SMYD3: variants seen among roughly 807,000 people sequenced by gnomAD.
SMYD3 encodes SET and MYND domain containing 3.
SMYD3 carries 36 observed loss-of-function variants against 57.7 expected under a neutral mutation model. The ratio of observed to expected loss-of-function variants is 0.62; its 90% CI spans 0.48 to 0.82. The LOEUF is 0.82. Ranked by LOEUF, SMYD3 falls within the 40% of genes least tolerant of loss-of-function variation. The pLI, the probability that SMYD3 is intolerant of heterozygous loss-of-function variation, is 0.00. For missense variants in SMYD3, 515 were observed against 538.8 expected (o/e 0.96, Z 0.44); for synonymous variants, 211 against 195.0 (o/e 1.08, Z -0.68).
intron 5 of SMYD3, among the ~76,000 whole-genome samples, chr1:246,182,131 CTGT>C (rs558026283): frequency 8.8e-4 from 134 of 152,326 alleles, no homozygotes; most frequent in African/African-American, 3.0e-3. Context: ...AACCTCACCA[CTGT>C]TGTTCTCATC....
intron 8 of SMYD3, among the ~76,000 whole-genome samples, chr1:245,869,998 T>C (rs920040034): frequency 6.6e-6 from 1 of 152,174 alleles, no homozygotes; most frequent in Non-Finnish European, 1.5e-5. Flanking sequence ...GTTTCCTGGA[T>C]TGCCTCCCCA....
chr1:246,139,005 T>G (rs1269399344), intron 5 of SMYD3, among the ~76,000 whole-genome samples: 2 of 152,132 alleles, frequency 1.3e-5, no homozygotes, highest in African/African-American at 4.8e-5. Flanking sequence ...GAAGGGGTTT[T>G]TATCTTCTTC....
At chr1:245,919,948 A>G (rs1441502310) in intron 7 of SMYD3, among the ~76,000 whole-genome samples, 1 of 152,246 alleles carries the variant, frequency 6.6e-6, no homozygotes, top group Non-Finnish European at 1.5e-5. Flanking sequence ...AGCTTACATT[A>G]AAATCTCAAG....
chr1:246,453,183 G>A (rs1021145725), intron 1 of SMYD3, among the ~76,000 whole-genome samples: 3 of 152,124 alleles, frequency 2.0e-5, no homozygotes, highest in South Asian at 2.1e-4. Context: ...AGTAGCTTGC[G>A]CAAAGTCACA....
chr1:245,943,847 A>G (rs1303459672), intron 5 of SMYD3, among the ~76,000 whole-genome samples: 1 of 152,178 alleles, frequency 6.6e-6, no homozygotes, highest in African/African-American at 2.4e-5. Flanking sequence ...TCGGTAAATA[A>G]ATGTAATTCA....
intron 1 of SMYD3, among the ~76,000 whole-genome samples, chr1:246,459,271 C>T (rs2067756090): frequency 6.7e-6 from 1 of 148,170 alleles, no homozygotes; most frequent in Non-Finnish European, 1.5e-5. Context: ...TGATAGAGTC[C>T]TCAAGAGATC....
At chr1:246,124,696 A>G (rs894216398) in intron 5 of SMYD3, among the ~76,000 whole-genome samples, 1 of 152,224 alleles carries the variant, frequency 6.6e-6, no homozygotes, top group Non-Finnish European at 1.5e-5. Context: ...AAGCAGCATA[A>G]TTTAAGACAG....
At chr1:246,384,545 GC>G (rs917080891) in intron 1 of SMYD3, among the ~76,000 whole-genome samples, 1 of 151,866 alleles carries the variant, frequency 6.6e-6, no homozygotes, top group Non-Finnish European at 1.5e-5. Context: ...ACAGGTGCCC[GC>G]CACCACGCCC....
At chr1:245,976,447 CCGGCCCAGGGAAAGCCA>C in intron 5 of SMYD3, among the ~76,000 whole-genome samples, 1 of 31,242 alleles carries the variant, frequency 3.2e-5, no homozygotes, top group African/African-American at 9.1e-5. Flanking sequence ...GCCATCGTCT[CCGGCCCAGGGAAAGCCA>C]TCGTCTCCGG....
chr1:246,495,919 C>T (rs1211965915), intron 1 of SMYD3, among the ~76,000 whole-genome samples: 1 of 151,928 alleles, frequency 6.6e-6, no homozygotes, highest in Admixed American at 6.6e-5. Context: ...GAGCTCAGAT[C>T]ATGCCACTGT....
intron 5 of SMYD3, among the ~76,000 whole-genome samples, chr1:246,242,193 T>G (rs1430122098): frequency 5.3e-5 from 8 of 152,202 alleles, no homozygotes; most frequent in Non-Finnish European, 8.8e-5. Flanking sequence ...AGGGTGTCAA[T>G]TTTAGATCTT....
intron 1 of SMYD3, among the ~76,000 whole-genome samples, chr1:246,506,308 C>T (rs2068535477): frequency 6.6e-6 from 1 of 152,144 alleles, no homozygotes; most frequent in South Asian, 2.1e-4. Flanking sequence ...CGCGTCCAGG[C>T]TTCCAAAACA....
intron 3 of SMYD3, among the ~76,000 whole-genome samples, chr1:246,332,723 G>A (rs1053916860): frequency 1.3e-5 from 2 of 152,192 alleles, no homozygotes; most frequent in African/African-American, 4.8e-5. Context: ...CAGGACAATC[G>A]CTTGAGCCTA....
rs117243227 is a variant in SMYD3, at chr1:245,797,956, G to T, written c.1077-33807C>A. Among the ~76,000 whole-genome samples the T allele has an allele frequency of 5.1e-4, 78 of 152,154 alleles. No individual in the cohort carries two copies. The East Asian group carries it at 0.014, about 28-fold the overall frequency. ...AAGCTTTTCACAATATGGGTTTGAG[G>T]ATGCTCAGTACGTGAGAATTTTGGG... On this transcript the variant is annotated intron_variant, in intron 10 of 11. Transcript: ENST00000490107.
At chr1:246,006,556 T>C (rs1043583507) in intron 5 of SMYD3, among the ~76,000 whole-genome samples, 1 of 135,558 alleles carries the variant, frequency 7.4e-6, no homozygotes, top group Non-Finnish European at 1.7e-5. Context: ...CCCTGTATAA[T>C]TCTGACTTAT....
chr1:246,341,324 TA>T (rs1376077812), intron 2 of SMYD3, among the ~76,000 whole-genome samples: 1 of 152,214 alleles, frequency 6.6e-6, no homozygotes, highest in Non-Finnish European at 1.5e-5. Flanking sequence ...TTTTAAATGT[TA>T]AAAAATGCTT....
chr1:245,957,734 T>C (rs2057889137), intron 5 of SMYD3, among the ~76,000 whole-genome samples: 1 of 152,218 alleles, frequency 6.6e-6, no homozygotes, highest in Non-Finnish European at 1.5e-5. Context: ...CCTGACCTTT[T>C]GTCTACTTTC....
intron 1 of SMYD3, among the ~76,000 whole-genome samples, chr1:246,434,829 A>G (rs1392184100): frequency 6.6e-6 from 1 of 152,222 alleles, no homozygotes; most frequent in African/African-American, 2.4e-5. Context: ...TTGTTCTACC[A>G]AAGAGACACA....
intron 10 of SMYD3, among the ~76,000 whole-genome samples, chr1:245,842,017 T>C (rs1263714414): frequency 6.6e-6 from 1 of 152,234 alleles, no homozygotes. Context: ...GTGTTACAAC[T>C]GGCTACAGCA....
Sources: allele counts gnomAD v4.1 joint callset (sites outside exome capture counted in the v4.1 genomes callset), GRCh38; gene constraint gnomAD v4.1.1; transcripts MANE v1.5; gene names NCBI Gene and HGNC (gene_info 2026-07-23, HGNC 2026-07-21).